SPPL2B: variants seen among roughly 807,000 people sequenced by gnomAD.
SPPL2B encodes the protein signal peptide peptidase like 2B.
In SPPL2B, 39 loss-of-function variants were observed where a neutral mutation model predicts 59.7. That is an observed-to-expected ratio of 0.65 (90% CI 0.51 to 0.85). The LOEUF (loss-of-function observed/expected upper bound fraction) is 0.85. Ranked by LOEUF, SPPL2B falls within the 40% of genes least tolerant of loss-of-function variation. The pLI is 0.00. For synonymous variants in SPPL2B, 419 were observed against 370.8 expected (o/e 1.13, Z -1.49); for missense variants, 865 against 849.0 (o/e 1.02, Z -0.23).
Position 2,332,497 on chromosome 19 carries a change from A to G in SPPL2B, c.67-2105A>G, listed in dbSNP as rs959284917. Among the ~76,000 whole-genome samples, 3 of 152,182 alleles carry G rather than the reference A, an allele frequency of 2.0e-5. No homozygotes were observed. The highest frequency in any genetic ancestry group is 4.8e-5 in the African/African-American group (2 of 41,430). On this transcript the variant is annotated intron_variant, in intron 1 of 14. Transcript: ENST00000613503. This position sits in a 1 kb window ranked among gnomAD's most constrained non-coding sequence, Gnocchi z 4.6. Reference sequence around the variant, plus strand: ...CGGCCCGTTTGGTGCGCAGCTCAGCATCCGTTCAGACATGTGGCTGCCATC... The same window carrying G: ...CGGCCCGTTTGGTGCGCAGCTCAGCGTCCGTTCAGACATGTGGCTGCCATC...
Position 2,344,535 on chromosome 19 carries a change from C to T in SPPL2B, c.1177-18C>T. On this transcript the variant is annotated intron_variant, in intron 11 of 14. Transcript: ENST00000613503. ...GGTGAGGGTCCTGGAGGACATTGTC[C>T]TCTTCCCGTCTTTGCAGCTGCCCAT... 6.2e-7 allele frequency: 1 copy of T among 1,606,170 alleles called. No homozygotes were observed. The highest frequency in any genetic ancestry group is 8.5e-7 in the Non-Finnish European group (1 of 1,174,118).
chr19:2,338,328 G>A (rs1210917995), intron 3 of SPPL2B: 2 of 161,838 alleles, frequency 1.2e-5, no homozygotes, highest in Admixed American at 1.2e-4. Flanking sequence ...GCCGAGGGCA[G>A]AGCAGGCCGG....
Position 2,354,019 on chromosome 19 carries a change from G to A in SPPL2B, c.*810G>A, listed in dbSNP as rs542427656. 1.3e-5 allele frequency: 2 copies of A among 152,288 alleles called. No individual in the cohort carries two copies. Among genetic ancestry groups the A allele is most frequent in the South Asian group, 2.1e-4 (1 of 4,830 alleles). 9.4% of individuals were successfully genotyped at this position (152,288 alleles called of 1,614,324 possible). A position where few individuals can be genotyped will look rare whatever the true frequency, so the allele number is the denominator to read the frequency against. ...GGTGGGCGCCAGGCAGGCTGGGTCAGGCCCTCAGGGGTCCCTGGAGCCCTG... is the reference window on the plus strand; with the variant it reads ...GGTGGGCGCCAGGCAGGCTGGGTCAAGCCCTCAGGGGTCCCTGGAGCCCTG... On this transcript the variant is annotated 3_prime_UTR_variant, in exon 15 of 15. Transcript: ENST00000613503.
chr19:2,339,660 C>T, intron 5 of SPPL2B, 164 bp from the exon 6 acceptor site: 2 of 771,782 alleles, frequency 2.6e-6, no homozygotes, highest in Non-Finnish European at 4.2e-6. Flanking sequence ...GTGTGGTCTC[C>T]TCTGCCCTGG....
At chr19:2,345,208 A>T in intron 12 of SPPL2B, 45 bp from the exon 13 acceptor site, 1 of 1,570,268 alleles carries the variant, frequency 6.4e-7, no homozygotes. Context: ...CCCTGCTCTG[A>T]GGCTCTGCGG....
chr19:2,340,958 G>T lies in SPPL2B; in HGVS notation c.900G>T (p.Leu300=). Residue 300 remains leucine (L), a synonymous_variant, in exon 8 of 15, where the codon CTG becomes CTT. Coordinates refer to ENST00000613503, the MANE Select transcript of SPPL2B (RefSeq NM_152988.3). ...HKRPQARMLL[L]ALFCVAVSVV... ...GCCCGCAGGCCCGTATGCTGCTCCT[G>T]GCGCTCTTCTGCGTGGCCGTCAGCG... 1 of 1,604,422 alleles carries T rather than the reference G, an allele frequency of 6.2e-7. No homozygotes were observed.
At chr19:2,340,278 C>T (rs1042115446) in intron 7 of SPPL2B, 106 bp downstream of exon 7, 2 of 907,922 alleles carry the variant, frequency 2.2e-6, no homozygotes, top group African/African-American at 1.7e-5. Flanking sequence ...TCAGAGTCTA[C>T]AGCAGGCGCT....
At chr19:2,341,386 G>T (rs1445650342) in intron 8 of SPPL2B, 2 of 479,164 alleles carry the variant, frequency 4.2e-6, no homozygotes, top group Non-Finnish European at 8.3e-6. Flanking sequence ...GAGGCCCAGG[G>T]TGTGGGCACC....
intron 14 of SPPL2B, 110 bp downstream of exon 14, chr19:2,351,704 G>C (rs3746290): frequency 2.1e-6 from 3 of 1,434,640 alleles, no homozygotes; most frequent in African/African-American, 1.4e-5. Flanking sequence ...CCGCGACGGG[G>C]CTCAGGGTCC....
intron 13 of SPPL2B, among the ~76,000 whole-genome samples, chr19:2,350,062 ACACT>A (rs1435462804): frequency 1.1e-4 from 16 of 145,618 alleles, no homozygotes; most frequent in Middle Eastern, 4.0e-3. Flanking sequence ...CTCTCTCCAC[ACACT>A]CACGCGCTCT....
In SPPL2B at chr19:2,337,448, C is replaced by A. The variant is rs778485176; in HGVS notation, c.192C>A (p.Phe64Leu). 8.1e-6 allele frequency: 13 copies of A among 1,599,828 alleles called. No homozygotes were observed. In the South Asian group the frequency reaches 1.1e-4, roughly 14 times the overall value. Residue 64 changes from phenylalanine to leucine, a missense_variant, in exon 3 of 15, where the codon TTC (phenylalanine) becomes TTA (leucine). Coordinates refer to ENST00000613503, the MANE Select transcript of SPPL2B (RefSeq NM_152988.3). The stretch of plus-strand genomic sequence containing the variant: ...CTGTGCCCTGGCCTTTCCAGTCTTT[C>A]CTGCAGCTGCGCAACTGGACGGCCT... ...HLPHDLSKAS[F>L]LQLRNWTASL...
At chr19:2,348,337 T>TCC (rs1568450432) in intron 13 of SPPL2B, among the ~76,000 whole-genome samples, 6 of 99,194 alleles carry the variant, frequency 6.0e-5, no homozygotes, top group African/African-American at 2.2e-4. Context: ...TGCGGTTCTC[T>TCC]CTCCACACAC....
intron 12 of SPPL2B, among the ~76,000 whole-genome samples, chr19:2,344,942 G>A (rs1447257797): frequency 6.6e-6 from 1 of 152,142 alleles, no homozygotes. Context: ...CTGGGGCCTG[G>A]ATCCCGGGTC....
intron 4 of SPPL2B, 50 bp downstream of exon 4, chr19:2,338,891 G>A: frequency 6.3e-7 from 1 of 1,575,612 alleles, no homozygotes; most frequent in African/African-American, 1.3e-5. Context: ...TGGGGCAGGG[G>A]GCTTCGGGCT....
At chr19:2,333,270 G>A (rs1968384055) in intron 1 of SPPL2B, among the ~76,000 whole-genome samples, 1 of 148,170 alleles carries the variant, frequency 6.7e-6, no homozygotes, top group African/African-American at 2.5e-5. Flanking sequence ...TGCTGGGAGG[G>A]GAGCAGGAGG....
Position 2,339,832 on chromosome 19 carries a change from T to C in SPPL2B, c.608T>C (p.Met203Thr), listed in dbSNP as rs1835302511. 14 of 1,607,342 alleles carry C rather than the reference T, an allele frequency of 8.7e-6. No homozygotes were observed. Among genetic ancestry groups the C allele is most frequent in the Non-Finnish European group, 1.1e-5 (13 of 1,177,088 alleles). Residue 203 changes from methionine (M) to threonine (T), a missense_variant, in exon 6 of 15, where the codon ATG becomes ACG. Physicochemically the swap from Met to Thr is moderately conservative, Grantham distance 81 (BLOSUM62 -1). Coordinates refer to ENST00000613503, the MANE Select transcript of SPPL2B (RefSeq NM_152988.3). The part of the protein sequence containing the change: ...AGSRDVKKRY[M>T]KHKRDDGPEK... ...CCATGGTGTCTCCCAAGAAGGTACA[T>C]GAAGCACAAGCGCGACGATGGGCCC...
Position 2,353,281 on chromosome 19 carries a change from C to A in SPPL2B, c.*72C>A. On this transcript the variant is annotated 3_prime_UTR_variant, in exon 15 of 15. Coordinates refer to ENST00000613503, the MANE Select transcript of SPPL2B (RefSeq NM_152988.3). Reference sequence around the variant, plus strand: ...GGGGCTGCCTGGCGCCCACTGGAGACAGACAGACAGACGCCTGTCCCCCGG... The same window carrying A: ...GGGGCTGCCTGGCGCCCACTGGAGAAAGACAGACAGACGCCTGTCCCCCGG... The A allele has an allele frequency of 7.0e-7, 1 of 1,433,608 alleles. No individual in the cohort carries two copies. Among genetic ancestry groups the A allele is most frequent in the Non-Finnish European group, 9.2e-7 (1 of 1,086,068 alleles). The allele number at this position is 1,433,608 out of a possible 1,614,324, so 88.8% of individuals were successfully genotyped here.
Position 2,338,755 on chromosome 19 carries a change from C to T in SPPL2B, c.373C>T (p.Pro125Ser). The T allele has an allele frequency of 1.9e-6, 3 of 1,610,238 alleles. No individual in the cohort carries two copies. The highest frequency in any genetic ancestry group is 2.5e-6 in the Non-Finnish European group (3 of 1,177,006). ...LLIVSRERLV[P>S]PGGNKTQYDE... ...GCTCCCTCCTCTGGGCCCCCAGGTC[C>T]CCCCGGGGGGTAATAAGACGCAGTA... The change falls in exon 4 of 15, where the codon CCC becomes TCC. Residue 125 changes from proline (P) to serine (S), a missense_variant. By Grantham distance (74) the Pro-to-Ser change is moderately conservative. Transcript: ENST00000613503.
chr19:2,336,898 G>GT (rs1968669821), intron 2 of SPPL2B, among the ~76,000 whole-genome samples: 5 of 124,238 alleles, frequency 4.0e-5, no homozygotes, highest in East Asian at 2.2e-4. Flanking sequence ...TCTGGCTGTG[G>GT]GTGTGTGTGT....
Sources: allele counts gnomAD v4.1 joint callset (sites outside exome capture counted in the v4.1 genomes callset), GRCh38; gene constraint gnomAD v4.1.1; non-coding constraint Gnocchi (gnomAD v3.1); transcripts MANE v1.5; gene names NCBI Gene and HGNC (gene_info 2026-07-23, HGNC 2026-07-21).